Variants in R3HDM2 observed in about 807,000 individuals in gnomAD.
R3HDM2 encodes the protein R3H domain-containing protein 2.
In R3HDM2, 38 loss-of-function variants were observed where a neutral mutation model predicts 124.5. The ratio of observed to expected loss-of-function variants is 0.31; its 90% CI spans 0.24 to 0.40. The LOEUF (loss-of-function observed/expected upper bound fraction) is 0.40, where lower values mean the gene tolerates loss of function less well. R3HDM2 is among the 10% of genes least tolerant of loss of function. The probability of loss-of-function intolerance (pLI) is 1.00; values close to 1 mark genes in which losing one functional copy is unlikely to be tolerated. For missense variants in R3HDM2, 869 were observed against 1,236.9 expected (o/e 0.70, Z 4.46); for synonymous variants, 391 against 448.0 (o/e 0.87, Z 1.61).
At chr12:57,392,566 A>C (rs952783751) in intron 2 of R3HDM2, among the ~76,000 whole-genome samples, 3 of 152,130 alleles carry the variant, frequency 2.0e-5, no homozygotes, top group Admixed American at 6.6e-5. Flanking sequence ...ATATAGAAGA[A>C]CAAAGATAAA....
intron 3 of R3HDM2, 64 bp from the exon 4 acceptor site, chr12:57,303,281 T>C (rs2051682587): frequency 2.2e-6 from 3 of 1,359,690 alleles, no homozygotes; most frequent in Admixed American, 4.0e-5. Context: ...TTAAAAACAA[T>C]ACATGTTTAT....
At chr12:57,370,022 A>G (rs577007369) in intron 2 of R3HDM2, among the ~76,000 whole-genome samples, 5 of 152,240 alleles carry the variant, frequency 3.3e-5, no homozygotes, top group African/African-American at 1.2e-4. Flanking sequence ...AAAAAATGTT[A>G]ATTTTCAACT....
chr12:57,397,126 A>T (rs1378766639), intron 1 of R3HDM2, among the ~76,000 whole-genome samples: 1 of 152,184 alleles, frequency 6.6e-6, no homozygotes, highest in Non-Finnish European at 1.5e-5. Context: ...AGAACTGAGC[A>T]AACAAAACTA....
At chr12:57,397,142 TC>T (rs1297582883) in intron 1 of R3HDM2, among the ~76,000 whole-genome samples, 1 of 152,094 alleles carries the variant, frequency 6.6e-6, no homozygotes, top group East Asian at 1.9e-4. Flanking sequence ...AACTAGGATC[TC>T]TCTTAATAGA....
intron 19 of R3HDM2, among the ~76,000 whole-genome samples, chr12:57,263,261 G>A (rs1452059440): frequency 6.6e-6 from 1 of 152,122 alleles, no homozygotes; most frequent in Non-Finnish European, 1.5e-5. Context: ...TGTACATGCA[G>A]GAGAAAAAAT....
At chr12:57,368,352 T>C (rs1451828852) in intron 2 of R3HDM2, among the ~76,000 whole-genome samples, 1 of 152,190 alleles carries the variant, frequency 6.6e-6, no homozygotes, top group Non-Finnish European at 1.5e-5. Flanking sequence ...AGTAAAGAAT[T>C]TAACCTTGCC....
chr12:57,368,862 AC>A (rs952667978), intron 2 of R3HDM2, among the ~76,000 whole-genome samples: 1 of 151,310 alleles, frequency 6.6e-6, no homozygotes, highest in African/African-American at 2.4e-5. Context: ...GATCTTGCGG[AC>A]CCCCCCAAAC....
chr12:57,353,589 A>AT (rs559041092), intron 2 of R3HDM2, among the ~76,000 whole-genome samples: 78 of 151,752 alleles, frequency 5.1e-4, no homozygotes, highest in Non-Finnish European at 1.0e-3. Context: ...ATTTATTTTT[A>AT]TTTTTTTTAG....
At chr12:57,260,343 T>C (rs559116923) in intron 19 of R3HDM2, among the ~76,000 whole-genome samples, 141 of 132,678 alleles carry the variant, frequency 1.1e-3, no homozygotes, top group Non-Finnish European at 2.0e-3. Context: ...AGGAATGGAG[T>C]GAAAGTCAGA....
chr12:57,326,304 G>A (rs1214862689), intron 2 of R3HDM2, among the ~76,000 whole-genome samples: 8 of 152,204 alleles, frequency 5.3e-5, no homozygotes, highest in African/African-American at 1.2e-4. Context: ...ATTATGCTTC[G>A]TGAGGAAGGC....
chr12:57,412,159 C>A (rs2069063268), intron 1 of R3HDM2, among the ~76,000 whole-genome samples: 1 of 152,174 alleles, frequency 6.6e-6, no homozygotes, highest in Non-Finnish European at 1.5e-5. Context: ...CAGACAAATA[C>A]ACATCCTAAC....
At chr12:57,396,492 G>C (rs2067523521) in intron 1 of R3HDM2, among the ~76,000 whole-genome samples, 3 of 151,474 alleles carry the variant, frequency 2.0e-5, no homozygotes, top group Admixed American at 1.3e-4. Flanking sequence ...AAAAAGAGTA[G>C]TCTAGGCTGG....
chr12:57,320,687 C>T (rs2056301321), intron 2 of R3HDM2, among the ~76,000 whole-genome samples: 1 of 152,130 alleles, frequency 6.6e-6, no homozygotes, highest in African/African-American at 2.4e-5. Flanking sequence ...CTATTTTTTT[C>T]AGGGAGAATA....
At chr12:57,278,304 G>T (rs1214202859) in intron 14 of R3HDM2, among the ~76,000 whole-genome samples, 2 of 152,088 alleles carry the variant, frequency 1.3e-5, no homozygotes, top group Non-Finnish European at 2.9e-5. Flanking sequence ...TAGAAGATTG[G>T]GGTTTAGGGC....
At chr12:57,413,282 C>CA (rs2139342793) in intron 1 of R3HDM2, among the ~76,000 whole-genome samples, 1 of 152,244 alleles carries the variant, frequency 6.6e-6, no homozygotes, top group East Asian at 1.9e-4. Flanking sequence ...ACTCATAAAT[C>CA]ACTTCATTAT....
chr12:57,344,937 C>T (rs2059939334), intron 2 of R3HDM2, among the ~76,000 whole-genome samples: 1 of 151,956 alleles, frequency 6.6e-6, no homozygotes. Flanking sequence ...CTGGTTCAAG[C>T]GATTCTCCTG....
intron 23 of R3HDM2, among the ~76,000 whole-genome samples, chr12:57,255,477 A>G (rs1417143836): frequency 6.6e-6 from 1 of 152,186 alleles, no homozygotes; most frequent in African/African-American, 2.4e-5. Flanking sequence ...TCAATCTGAA[A>G]TATGTTCCAT....
chr12:57,261,657 T>C (rs1227495420), intron 19 of R3HDM2, among the ~76,000 whole-genome samples: 1 of 150,678 alleles, frequency 6.6e-6, no homozygotes, highest in African/African-American at 2.4e-5. Flanking sequence ...CACAGAGCAC[T>C]ACTCCACTGA....
chr12:57,414,360 G>A (rs561917296), intron 1 of R3HDM2, among the ~76,000 whole-genome samples: 1 of 146,858 alleles, frequency 6.8e-6, no homozygotes, highest in Non-Finnish European at 1.5e-5. Context: ...GCATGGTGAT[G>A]CGCACCTGTC....
Sources: allele counts gnomAD v4.1 joint callset (sites outside exome capture counted in the v4.1 genomes callset), GRCh38; gene constraint gnomAD v4.1.1; transcripts MANE v1.5; gene names NCBI Gene and HGNC (gene_info 2026-07-23, HGNC 2026-07-21).